Variants in WDFY3 observed in about 807,000 individuals in gnomAD.
The protein encoded by WDFY3 is WD repeat and FYVE domain-containing protein 3.
WDFY3 carries 66 observed loss-of-function variants against 409.6 expected under a neutral mutation model. That is an observed-to-expected ratio of 0.16 (90% CI 0.13 to 0.20). The LOEUF (loss-of-function observed/expected upper bound fraction) is 0.20. Among genes scored for constraint, WDFY3 ranks in the 10% least tolerant of loss-of-function variants. The probability of loss-of-function intolerance (pLI) is 1.00; values close to 1 mark genes in which losing one functional copy is unlikely to be tolerated. For missense variants in WDFY3, 3,031 were observed against 4,298.1 expected (o/e 0.71, Z 8.24); for synonymous variants, 1,521 against 1,537.1 (o/e 0.99, Z 0.25).
rs372663443 is a variant in WDFY3, at chr4:84,741,744, T to C, written c.6234+17A>G. 1.5e-5 allele frequency: 24 copies of C among 1,591,882 alleles called. No individual in the cohort carries two copies. Among genetic ancestry groups the C allele is most frequent in the Non-Finnish European group, 1.8e-5 (21 of 1,164,510 alleles). On this transcript the variant is annotated intron_variant, in intron 38 of 67. Transcript: ENST00000295888. The stretch of plus-strand genomic sequence containing the variant: ...AGGAAAACATGTACTCTACAACTGA[T>C]AGTGACAATGGATTACCTGTGCAAT...
intron 44 of WDFY3, among the ~76,000 whole-genome samples, chr4:84,732,394 C>T (rs533388387): frequency 6.4e-4 from 98 of 152,102 alleles, no homozygotes; most frequent in African/African-American, 1.9e-3. Context: ...GTGCCAAGAA[C>T]GTTTGAAAAG....
chr4:84,820,309 T>A lies in WDFY3; in HGVS notation c.1592-123A>T, dbSNP rs1373145718. 2.4e-5 allele frequency: 16 copies of A among 663,814 alleles called. No individual in the cohort carries two copies. In the Admixed American group the frequency reaches 5.2e-4, roughly 21 times the overall value. 41.1% of individuals were successfully genotyped at this position (663,814 alleles called of 1,614,324 possible). A position where few individuals can be genotyped will look rare whatever the true frequency, so the allele number is the denominator to read the frequency against. On this transcript the variant is annotated intron_variant, in intron 11 of 67. Coordinates refer to ENST00000295888, the MANE Select transcript of WDFY3 (RefSeq NM_014991.6). ...AGTTTTACCCCTAATAGGACAGATA[T>A]AATATAATCTTTAAAACGATGCATG... is the stretch of plus-strand genomic sequence containing the variant.
chr4:84,712,193 A>T (rs2149009767), intron 51 of WDFY3, among the ~76,000 whole-genome samples: 1 of 151,752 alleles, frequency 6.6e-6, no homozygotes, highest in East Asian at 2.0e-4. Context: ...GCATGGTAGC[A>T]CATGCTTGTA....
intron 55 of WDFY3, among the ~76,000 whole-genome samples, chr4:84,703,653 A>G (rs1178889890): frequency 6.6e-6 from 1 of 152,152 alleles, no homozygotes; most frequent in African/African-American, 2.4e-5. Flanking sequence ...ACGTATCTCC[A>G]GATGTCTGCA....
At chr4:84,844,964 A>C (rs996072949) in intron 5 of WDFY3, among the ~76,000 whole-genome samples, 6 of 152,254 alleles carry the variant, frequency 3.9e-5, no homozygotes, top group African/African-American at 1.2e-4. Context: ...ACCTAAACGT[A>C]TAACAAATCA....
rs570846350 is a variant in WDFY3, at chr4:84,878,927, T to TA, written c.-32+17983_-32+17984insT. 5.9e-5 allele frequency among the ~76,000 whole-genome samples: 9 copies of TA among 152,346 alleles called. No homozygotes were observed. In the South Asian group the frequency reaches 1.9e-3, roughly 32 times the overall value. On this transcript the variant is annotated intron_variant, in intron 3 of 67. Transcript: ENST00000295888. ...AATAGCATTGCTGAAATTTAATTCC[T>TA]TAAGTGTCTACTATATATAAGGAAC...
chr4:84,894,048 A>T (rs936551010), intron 3 of WDFY3, among the ~76,000 whole-genome samples: 9 of 152,198 alleles, frequency 5.9e-5, no homozygotes, highest in Admixed American at 5.2e-4. Flanking sequence ...AATGTACATT[A>T]AAGACTCTAT....
intron 3 of WDFY3, among the ~76,000 whole-genome samples, chr4:84,875,921 G>A (rs1762721281): frequency 6.6e-6 from 1 of 152,128 alleles, no homozygotes; most frequent in South Asian, 2.1e-4. Flanking sequence ...CCTGCCTGAA[G>A]CTGTCTTACA....
At position 84,810,294 on chromosome 4, in the gene WDFY3, C is replaced by T. The variant is rs1276109655; in HGVS notation, c.1938G>A (p.Arg646=). The T allele has an allele frequency of 6.2e-7, 1 of 1,613,468 alleles. No homozygotes were observed. Among genetic ancestry groups the T allele is most frequent in the East Asian group, 2.2e-5 (1 of 44,858 alleles). The change falls in exon 14 of 68, where the codon AGG becomes AGA. Residue 646 remains arginine, a synonymous_variant. Transcript: ENST00000295888. The part of the protein sequence containing the change: ...RESHRSRTVF[R]KVGGFVYITS... ...TAATGTACACAAATCCTCCAACTTTCCTAAAAACTGTTCTTGAACGATGGC... is the reference window on the plus strand; with the variant it reads ...TAATGTACACAAATCCTCCAACTTTTCTAAAAACTGTTCTTGAACGATGGC...
Position 84,757,052 on chromosome 4 carries a change from G to C in WDFY3, c.5298C>G (p.His1766Gln). Residue 1766 changes from histidine to glutamine, a missense_variant, in exon 33 of 68, where the codon CAC (histidine) becomes CAG (glutamine). His to Gln is a conservative substitution (Grantham distance 24, BLOSUM62 0). Around this residue, in one of 16 missense-constraint regions of WDFY3, gnomAD observed 342 missense variants for 463.7 expected, o/e 0.74. Coordinates refer to ENST00000295888, the MANE Select transcript of WDFY3 (RefSeq NM_014991.6). ...FPVLQSFLPK[H>Q]TNVPALYFLL... ...GAAAATAGAGGGCAGGGACATTAGT[G>C]TGTTTAGGAAGGAATGACTGAAGGA... 1 of 1,614,104 alleles carries C rather than the reference G, an allele frequency of 6.2e-7. No individual in the cohort carries two copies. The highest frequency in any genetic ancestry group is 8.5e-7 in the Non-Finnish European group (1 of 1,179,978).
intron 13 of WDFY3, among the ~76,000 whole-genome samples, chr4:84,815,685 A>C (rs538465707): frequency 1.3e-5 from 2 of 152,206 alleles, no homozygotes; most frequent in African/African-American, 4.8e-5. Context: ...TACTTTTGGG[A>C]GGAAAAAGTA....
intron 53 of WDFY3, among the ~76,000 whole-genome samples, chr4:84,706,530 C>T (rs886610830): frequency 1.4e-5 from 2 of 148,012 alleles, no homozygotes; most frequent in Non-Finnish European, 3.0e-5. Flanking sequence ...TAAAAGAAAG[C>T]TCCCTGATTA....
At chr4:84,729,217 A>G (rs113791220) in intron 44 of WDFY3, among the ~76,000 whole-genome samples, 4 of 152,126 alleles carry the variant, frequency 2.6e-5, no homozygotes, top group African/African-American at 9.6e-5. Context: ...AGCCTAGTTA[A>G]TATTTAAATA....
At chr4:84,904,376 T>G (rs1766749971) in intron 2 of WDFY3, among the ~76,000 whole-genome samples, 1 of 151,314 alleles carries the variant, frequency 6.6e-6, no homozygotes, top group South Asian at 2.1e-4. Context: ...AGAGCAAGAC[T>G]CCATCTAAAA....
Position 84,724,501 on chromosome 4 carries a change from T to C in WDFY3, c.7366A>G (p.Ile2456Val), listed in dbSNP as rs1451540775. 1.2e-6 allele frequency: 2 copies of C among 1,614,066 alleles called. No homozygotes were observed. Among genetic ancestry groups the C allele is most frequent in the South Asian group, 2.2e-5 (2 of 91,084 alleles). The change falls in exon 46 of 68, where the codon ATT becomes GTT. Residue 2456 changes from isoleucine (I) to valine (V), a missense_variant. Ile to Val is a conservative substitution (Grantham distance 29, BLOSUM62 3). This residue lies in a region of WDFY3 where 127 missense variants were observed against 144.4 expected (regional missense o/e 0.88). Transcript: ENST00000295888. ...SGNPAIVQDA[I>V]VESSEGEAAQ... Reference sequence around the variant, plus strand: ...GCTTCACCTTCTGAACTCTCCACAATGGCGTCTTGGACAATGGCGGGATTG... The same window carrying C: ...GCTTCACCTTCTGAACTCTCCACAACGGCGTCTTGGACAATGGCGGGATTG...
chr4:84,728,749 C>T (rs1236680807), intron 44 of WDFY3, among the ~76,000 whole-genome samples: 1 of 152,020 alleles, frequency 6.6e-6, no homozygotes, highest in Non-Finnish European at 1.5e-5. Context: ...GATTGATTAA[C>T]CGGTTCTTAT....
At chr4:84,755,112 C>T (rs1033696698) in intron 34 of WDFY3, among the ~76,000 whole-genome samples, 154 bp downstream of exon 34, 1 of 152,116 alleles carries the variant, frequency 6.6e-6, no homozygotes, top group African/African-American at 2.4e-5. Flanking sequence ...TCTGTTCTTA[C>T]GTTAGATATA....
At chr4:84,942,177 A>G (rs1772228238) in intron 1 of WDFY3, among the ~76,000 whole-genome samples, 1 of 152,074 alleles carries the variant, frequency 6.6e-6, no homozygotes, top group Admixed American at 6.5e-5. Flanking sequence ...AGTAAAAACT[A>G]TAAAAGAAAA....
At chr4:84,880,658 C>T (rs1763361053) in intron 3 of WDFY3, among the ~76,000 whole-genome samples, 1 of 94,442 alleles carries the variant, frequency 1.1e-5, no homozygotes, top group East Asian at 3.1e-4. Context: ...AAGTGTTTGT[C>T]AATAAGGGAA....
Sources: allele counts gnomAD v4.1 joint callset (sites outside exome capture counted in the v4.1 genomes callset), GRCh38; gene constraint gnomAD v4.1.1; regional missense constraint gnomAD v4.1.1; transcripts MANE v1.5; gene names NCBI Gene and HGNC (gene_info 2026-07-23, HGNC 2026-07-21).